The following GFOD1 variants were observed in gnomAD, a reference collection of about 807,000 sequenced individuals.
GFOD1 encodes the protein glucose-fructose oxidoreductase domain-containing protein 1.
GFOD1 carries 9 observed loss-of-function variants against 25.4 expected under a neutral mutation model. That is an observed-to-expected ratio of 0.35 (90% CI 0.21 to 0.62). The LOEUF (loss-of-function observed/expected upper bound fraction) is 0.62, where lower values mean the gene tolerates loss of function less well. GFOD1 is among the 20% of genes least tolerant of loss of function. GFOD1 has a pLI of 0.72. For missense variants in GFOD1, 403 were observed against 556.9 expected (o/e 0.72, Z 2.78); for synonymous variants, 253 against 245.6 (o/e 1.03, Z -0.28).
chr6:13,446,597 T>G (rs1758006431), intron 1 of GFOD1, among the ~76,000 whole-genome samples: 1 of 152,172 alleles, frequency 6.6e-6, no homozygotes, highest in Admixed American at 6.5e-5. Context: ...AAGTGGCTTA[T>G]CAAGCAGCGT....
At chr6:13,434,185 A>G (rs1210729028) in intron 1 of GFOD1, among the ~76,000 whole-genome samples, 1 of 151,978 alleles carries the variant, frequency 6.6e-6, no homozygotes, top group Non-Finnish European at 1.5e-5. Context: ...ATGGGAACAC[A>G]GGAATCAAGT....
At chr6:13,401,864 A>G (rs185953528) in intron 1 of GFOD1, among the ~76,000 whole-genome samples, 1 of 152,360 alleles carries the variant, frequency 6.6e-6, no homozygotes. Context: ...CCAGAATAGC[A>G]AATGTTATCT....
Position 13,462,950 on chromosome 6 carries a change from T to A in GFOD1, c.253+23688A>T, listed in dbSNP as rs147992635. Among the ~76,000 whole-genome samples the A allele has an allele frequency of 2.1e-3, 323 of 152,288 alleles. 2 individuals are homozygous for A. Among genetic ancestry groups the A allele is most frequent in the African/African-American group, 6.5e-3 (271 of 41,562 alleles). ...AAGCATCTCCTGTTCAGGTTGCAAA[T>A]GCCATCCCAGAGCTCAGCAAGTCAG... On this transcript the variant is annotated intron_variant, in intron 1 of 1. Transcript: ENST00000379287.
intron 1 of GFOD1, among the ~76,000 whole-genome samples, chr6:13,372,836 C>T (rs1785177486): frequency 1.3e-5 from 2 of 152,204 alleles, no homozygotes; most frequent in South Asian, 4.1e-4. Flanking sequence ...GGCAATGCTA[C>T]TTTCCACGAG....
intron 1 of GFOD1, among the ~76,000 whole-genome samples, chr6:13,475,959 A>T (rs756697717): frequency 1.3e-5 from 2 of 152,102 alleles, no homozygotes; most frequent in Admixed American, 6.6e-5. Context: ...TGGTGATGAT[A>T]TCAGAAAATT....
At chr6:13,383,292 C>T (rs904349253) in intron 1 of GFOD1, among the ~76,000 whole-genome samples, 1 of 152,232 alleles carries the variant, frequency 6.6e-6, no homozygotes, top group African/African-American at 2.4e-5. Context: ...TGGTTCCCAA[C>T]CTAAGGCATC....
At chr6:13,465,267 T>C (rs1758360107) in intron 1 of GFOD1, among the ~76,000 whole-genome samples, 1 of 152,136 alleles carries the variant, frequency 6.6e-6, no homozygotes, top group African/African-American at 2.4e-5. Flanking sequence ...AGAAAGTTTA[T>C]GAATGTGTGT....
At chr6:13,458,854 G>T (rs1317654214) in intron 1 of GFOD1, among the ~76,000 whole-genome samples, 1 of 149,178 alleles carries the variant, frequency 6.7e-6, no homozygotes, top group Non-Finnish European at 1.5e-5. Context: ...ATAGTGAGAA[G>T]AGAAGCCTAA....
At chr6:13,393,159 C>G (rs967017265) in intron 1 of GFOD1, among the ~76,000 whole-genome samples, 2 of 151,884 alleles carry the variant, frequency 1.3e-5, no homozygotes, top group Non-Finnish European at 2.9e-5. Flanking sequence ...ATTTCAAGAC[C>G]AGCCTGGGCA....
intron 1 of GFOD1, among the ~76,000 whole-genome samples, chr6:13,395,541 T>A (rs1197628006): frequency 6.6e-6 from 1 of 152,210 alleles, no homozygotes; most frequent in Non-Finnish European, 1.5e-5. Flanking sequence ...TGCCAGCCCC[T>A]TCCTAGCTGT....
intron 1 of GFOD1, among the ~76,000 whole-genome samples, chr6:13,446,799 G>C (rs545911274): frequency 1.3e-5 from 2 of 152,320 alleles, no homozygotes; most frequent in South Asian, 4.1e-4. Flanking sequence ...AGGGATGTTA[G>C]AGATCAGAAG....
chr6:13,370,981 G>A (rs1307800289), intron 1 of GFOD1, among the ~76,000 whole-genome samples: 1 of 152,162 alleles, frequency 6.6e-6, no homozygotes, highest in Non-Finnish European at 1.5e-5. Flanking sequence ...ACAGGTATTT[G>A]ATCTTCTCAT....
chr6:13,427,977 GA>G (rs1414428658), intron 1 of GFOD1, among the ~76,000 whole-genome samples: 1 of 152,106 alleles, frequency 6.6e-6, no homozygotes, highest in African/African-American at 2.4e-5. Flanking sequence ...GTCCCCGATG[GA>G]AAGGTGTTGA....
rs149669789 is a variant in GFOD1, at chr6:13,480,755, G to C, written c.253+5883C>G. On this transcript the variant is annotated intron_variant, in intron 1 of 1. Transcript: ENST00000379287. The stretch of plus-strand genomic sequence containing the variant: ...TCCTGCCTCCGTCTCCCGAAGTGCT[G>C]GGATTATAGGTGTAAGCCACTGTGC... 2.2e-3 allele frequency among the ~76,000 whole-genome samples: 338 copies of C among 152,260 alleles called. 1 individual carries two copies. The highest frequency in any genetic ancestry group is 7.9e-3 in the African/African-American group (328 of 41,548).
chr6:13,426,594 C>T (rs561649463), intron 1 of GFOD1, among the ~76,000 whole-genome samples: 5 of 152,242 alleles, frequency 3.3e-5, no homozygotes, highest in African/African-American at 1.2e-4. Flanking sequence ...GTGAATGAAT[C>T]CCCTGCTGGT....
At position 13,487,076 on chromosome 6, in the gene GFOD1, G is replaced by C. The variant is rs1389164634; in HGVS notation, c.-186C>G. On this transcript the variant is annotated 5_prime_UTR_variant, in exon 1 of 2. Transcript: ENST00000379287. The surrounding 1 kb of genome is among the most constrained non-coding windows in gnomAD (Gnocchi z 4.9). ...ACCGAGCTGCAGGCGGAGCAAGCTC[G>C]GGGCGCCTCAGAACGGTGACTGCGG... 1.5e-6 allele frequency: 1 copy of C among 664,524 alleles called. No homozygotes were observed. Among genetic ancestry groups the C allele is most frequent in the Non-Finnish European group, 2.5e-6 (1 of 398,912 alleles). 41.2% of individuals were successfully genotyped at this position (664,524 alleles called of 1,614,324 possible).
intron 1 of GFOD1, among the ~76,000 whole-genome samples, chr6:13,434,241 G>A (rs1383377416): frequency 5.9e-4 from 47 of 79,934 alleles, no homozygotes; most frequent in Non-Finnish European, 1.1e-3. Flanking sequence ...CATTATGGAA[G>A]CACAGAAGTC....
intron 1 of GFOD1, among the ~76,000 whole-genome samples, chr6:13,464,269 G>A (rs1309461382): frequency 2.0e-5 from 3 of 152,182 alleles, no homozygotes; most frequent in East Asian, 1.9e-4. Flanking sequence ...GGCTCCAGAC[G>A]TTCATCTGGG....
intron 1 of GFOD1, among the ~76,000 whole-genome samples, chr6:13,393,688 G>GT (rs1453399171): frequency 6.6e-6 from 1 of 150,682 alleles, no homozygotes; most frequent in South Asian, 2.1e-4. Context: ...ACAAACAACT[G>GT]TTTTTTCAGA....
Sources: gnomAD v4.1 joint callset for allele counts (sites outside exome capture counted in the v4.1 genomes callset) on GRCh38, gnomAD v4.1.1 for gene constraint, Gnocchi (gnomAD v3.1) non-coding constraint, MANE v1.5 for transcripts, NCBI Gene and HGNC (gene_info 2026-07-23, HGNC 2026-07-21) for gene names.